The following RNF146 variants were observed in gnomAD, a reference collection of about 807,000 sequenced individuals.
The protein encoded by RNF146 is E3 ubiquitin-protein ligase RNF146.
Under a neutral mutation model 29.7 loss-of-function variants are expected in RNF146, and 11 were observed. The observed-to-expected ratio is 0.37, with a 90% CI of 0.23 to 0.61. The LOEUF (loss-of-function observed/expected upper bound fraction) is 0.61. RNF146 is among the 20% of genes least tolerant of loss of function. The probability of loss-of-function intolerance (pLI) is 0.66; values close to 1 mark genes in which losing one functional copy is unlikely to be tolerated. For synonymous variants in RNF146, 150 were observed against 159.7 expected (o/e 0.94, Z 0.46); for missense variants, 342 against 438.9 (o/e 0.78, Z 1.97).
intron 1 of RNF146, among the ~76,000 whole-genome samples, chr6:127,271,546 T>A (rs984753221): frequency 2.0e-5 from 3 of 152,192 alleles, no homozygotes; most frequent in African/African-American, 7.2e-5. Context: ...TTTAACAAGA[T>A]TAATATGCAA....
At position 127,288,027 on chromosome 6, in the gene RNF146, T is replaced by G. The variant is rs529406322; in HGVS notation, c.*334T>G. The G allele has an allele frequency of 5.4e-6, 1 of 184,100 alleles. No homozygotes were observed. Among genetic ancestry groups the G allele is most frequent in the South Asian group, 1.7e-4 (1 of 5,742 alleles). The allele number at this position is 184,100 out of a possible 1,614,324, so 11.4% of individuals were successfully genotyped here. ...TAATGGTCCTCATCTGACTCCTGCA[T>G]TGTGTCTTATTTTTCTGCATGGATT... On this transcript the variant is annotated 3_prime_UTR_variant, in exon 3 of 3. Transcript: ENST00000368314.
intron 2 of RNF146, among the ~76,000 whole-genome samples, chr6:127,281,371 C>T (rs1269667707): frequency 1.3e-5 from 2 of 151,518 alleles, no homozygotes; most frequent in Middle Eastern, 3.2e-3. Context: ...TACTGTGATC[C>T]AGTAAATGAG....
intron 1 of RNF146, among the ~76,000 whole-genome samples, chr6:127,272,210 C>T (rs1182889875): frequency 2.0e-5 from 3 of 152,112 alleles, no homozygotes; most frequent in Non-Finnish European, 4.4e-5. Flanking sequence ...TTTGAGGATT[C>T]AGTGACATAT....
At chr6:127,279,170 A>G (rs1036379442) in intron 1 of RNF146, among the ~76,000 whole-genome samples, 4 of 151,882 alleles carry the variant, frequency 2.6e-5, no homozygotes, top group African/African-American at 9.7e-5. Context: ...CATGCTTTTG[A>G]TGTCATATCT....
intron 1 of RNF146, among the ~76,000 whole-genome samples, chr6:127,277,060 A>G (rs755090602): frequency 2.0e-5 from 3 of 152,198 alleles, no homozygotes; most frequent in Non-Finnish European, 4.4e-5. Flanking sequence ...GGCTATTTAA[A>G]TAGGCTGATA....
At chr6:127,278,945 G>A (rs1778595369) in intron 1 of RNF146, among the ~76,000 whole-genome samples, 1 of 151,768 alleles carries the variant, frequency 6.6e-6, no homozygotes, top group African/African-American at 2.4e-5. Flanking sequence ...TCTTCTTTAA[G>A]TTCTTTACTC....
In RNF146 at chr6:127,287,111, T is replaced by C. The variant is rs778210775; in HGVS notation, c.498T>C (p.Ile166=). ...ATGAACATGGACGTCGCAGGAAGATTAAGCGAGATATAATAGATATACCAA... is the reference window on the plus strand; with the variant it reads ...ATGAACATGGACGTCGCAGGAAGATCAAGCGAGATATAATAGATATACCAA... ...RRNEHGRRRK[I]KRDIIDIPKK... Residue 166 remains isoleucine, a synonymous_variant, in exon 3 of 3, where the codon ATT becomes ATC. Transcript: ENST00000368314. 17 of 1,613,312 alleles carry C rather than the reference T, an allele frequency of 1.1e-5. No individual in the cohort carries two copies. The South Asian group carries it at 1.4e-4, about 14-fold the overall frequency.
chr6:127,270,088 A>G (rs772224271), intron 1 of RNF146, among the ~76,000 whole-genome samples: 1 of 152,048 alleles, frequency 6.6e-6, no homozygotes, highest in Non-Finnish European at 1.5e-5. Context: ...AAAACTCTTG[A>G]CTTTGATCTT....
At chr6:127,269,614 T>G (rs1233231724) in intron 1 of RNF146, among the ~76,000 whole-genome samples, 1 of 152,180 alleles carries the variant, frequency 6.6e-6, no homozygotes, top group Non-Finnish European at 1.5e-5. Context: ...ATGAGTTTTG[T>G]CTGAAGTTTC....
chr6:127,284,643 T>G (rs1357657651), intron 2 of RNF146, among the ~76,000 whole-genome samples: 3 of 151,968 alleles, frequency 2.0e-5, no homozygotes, highest in Non-Finnish European at 2.9e-5. Context: ...AATTGGCTAT[T>G]TTAAAAACAT....
At chr6:127,277,175 A>G (rs1778323744) in intron 1 of RNF146, among the ~76,000 whole-genome samples, 1 of 152,082 alleles carries the variant, frequency 6.6e-6, no homozygotes, top group East Asian at 1.9e-4. Flanking sequence ...GGGGTATGTT[A>G]AAGTCAGTGT....
chr6:127,282,399 A>G lies in RNF146; in HGVS notation c.2+2059A>G, dbSNP rs575807718. On this transcript the variant is annotated intron_variant, in intron 2 of 2. Transcript: ENST00000368314. ...TCCAAGGACCATGTATGTGTTGGTG[A>G]GTCACCAGACTTTTTTCAGCTCAGA... The G allele has an allele frequency of 2.0e-5, 3 of 151,760 alleles. No homozygotes were observed. The South Asian group carries it at 6.2e-4, about 31-fold the overall frequency. 9.4% of individuals were successfully genotyped at this position (151,760 alleles called of 1,614,324 possible).
intron 2 of RNF146, among the ~76,000 whole-genome samples, chr6:127,281,146 G>T (rs1778862784): frequency 6.6e-6 from 1 of 151,440 alleles, no homozygotes; most frequent in South Asian, 2.1e-4. Context: ...CTGGTTACAT[G>T]TAATGATATG....
At chr6:127,272,611 A>G (rs1349807421) in intron 1 of RNF146, among the ~76,000 whole-genome samples, 2 of 152,162 alleles carry the variant, frequency 1.3e-5, no homozygotes, top group Non-Finnish European at 2.9e-5. Flanking sequence ...GTTGCATAAG[A>G]TGGCTAAATC....
chr6:127,272,854 C>T (rs1227246386), intron 1 of RNF146, among the ~76,000 whole-genome samples: 3 of 152,108 alleles, frequency 2.0e-5, no homozygotes, highest in African/African-American at 7.2e-5. Flanking sequence ...TCAGTTAACA[C>T]GTTGTTTGTT....
intron 1 of RNF146, among the ~76,000 whole-genome samples, chr6:127,277,289 T>A (rs886082666): frequency 1.5e-4 from 23 of 152,110 alleles, no homozygotes; most frequent in Non-Finnish European, 1.5e-4. Flanking sequence ...CTGTTTGGCG[T>A]AGGCTGCAGC....
In RNF146 at chr6:127,287,105, G is replaced by A. The variant is rs2114521001; in HGVS notation, c.492G>A (p.Arg164=). The A allele has an allele frequency of 1.2e-6, 2 of 1,613,300 alleles. No individual in the cohort carries two copies. Among genetic ancestry groups the A allele is most frequent in the South Asian group, 2.2e-5 (2 of 91,064 alleles). ...GGAGAAATGAACATGGACGTCGCAGGAAGATTAAGCGAGATATAATAGATA... is the reference window on the plus strand; with the variant it reads ...GGAGAAATGAACATGGACGTCGCAGAAAGATTAAGCGAGATATAATAGATA... ...QYRRNEHGRR[R]KIKRDIIDIP... Residue 164 remains arginine, a synonymous_variant, in exon 3 of 3, where the codon AGG becomes AGA. Coordinates refer to ENST00000368314, the MANE Select transcript of RNF146 (RefSeq NM_001242850.2).
chr6:127,267,587 G>T (rs1404387983), intron 1 of RNF146, among the ~76,000 whole-genome samples: 2 of 152,024 alleles, frequency 1.3e-5, no homozygotes, highest in Non-Finnish European at 2.9e-5. Flanking sequence ...CTCTTCTCTC[G>T]CTCTTCCTCC....
chr6:127,273,279 A>C (rs1301380241), intron 1 of RNF146, among the ~76,000 whole-genome samples: 1 of 152,228 alleles, frequency 6.6e-6, no homozygotes, highest in Non-Finnish European at 1.5e-5. Context: ...TTATTACAGT[A>C]TGTACTACAA....
Sources: gnomAD v4.1 joint callset for allele counts (sites outside exome capture counted in the v4.1 genomes callset) on GRCh38, gnomAD v4.1.1 for gene constraint, MANE v1.5 for transcripts, NCBI Gene and HGNC (gene_info 2026-07-23, HGNC 2026-07-21) for gene names.